The following FGFR2 variants were observed in gnomAD, a reference collection of about 807,000 sequenced individuals.
FGFR2 encodes BEK fibroblast growth factor receptor.
FGFR2 carries 19 observed loss-of-function variants against 95.9 expected under a neutral mutation model. The ratio of observed to expected loss-of-function variants is 0.20; its 90% CI spans 0.14 to 0.29. FGFR2 has a LOEUF of 0.29. Ranked by LOEUF, FGFR2 falls within the 10% of genes least tolerant of loss-of-function variation. FGFR2 has a pLI of 1.00. For synonymous variants in FGFR2, 392 were observed against 393.3 expected (o/e 1.00, Z 0.04); for missense variants, 707 against 1,056.9 (o/e 0.67, Z 4.59).
In FGFR2 at chr10:121,518,594, T is replaced by A. The variant is rs1564915722; in HGVS notation, c.940-1131A>T. 1 of 1,466,936 alleles carries A rather than the reference T, an allele frequency of 6.8e-7. No homozygotes were observed. Among genetic ancestry groups the A allele is most frequent in the Non-Finnish European group, 9.5e-7 (1 of 1,055,424 alleles). 90.9% of individuals were successfully genotyped at this position (1,466,936 alleles called of 1,614,324 possible). ...AGGCCACAAGAGTTATCCTATAAGC[T>A]GCCTGCAGTCTCCCAAAGCACCAAG... On this transcript the variant is annotated intron_variant, in intron 7 of 17. Transcript: ENST00000358487. This position sits in a 1 kb window ranked among gnomAD's most constrained non-coding sequence, Gnocchi z 4.0.
At chr10:121,524,587 C>G (rs773723465) in intron 6 of FGFR2, among the ~76,000 whole-genome samples, 1 of 152,202 alleles carries the variant, frequency 6.6e-6, no homozygotes, top group South Asian at 2.1e-4. Flanking sequence ...CCTCTCGAAC[C>G]CTTCAGCGAT....
intron 2 of FGFR2, among the ~76,000 whole-genome samples, chr10:121,572,272 C>T (rs1377194385): frequency 1.3e-5 from 2 of 151,922 alleles, no homozygotes; most frequent in African/African-American, 4.8e-5. Context: ...GAGCTATGAT[C>T]GCGCCACTGC....
rs138712692 is a variant in FGFR2, at chr10:121,496,648, C to T, written c.1747G>A (p.Gly583Arg). ...TTAATGTCATAGGAGTACTCCATCC[C>T]GGGTGGCCTCCGGGCTCGGAGGTAT... is the stretch of plus-strand genomic sequence containing the variant. ...REYLRARRPP[G>R]MEYSYDINRV... is the part of the protein sequence containing the mutation. Residue 583 changes from glycine to arginine, a missense_variant, in exon 13 of 18, where the codon GGG (glycine) becomes AGG (arginine). By Grantham distance (125) the Gly-to-Arg change is moderately radical (BLOSUM62 -2). This residue lies in a region of FGFR2 where 37 missense variants were observed against 34.1 expected (regional missense o/e 1.09). Transcript: ENST00000358487. The T allele has an allele frequency of 3.1e-6, 5 of 1,611,340 alleles. No individual in the cohort carries two copies. Among genetic ancestry groups the T allele is most frequent in the East Asian group, 2.2e-5 (1 of 44,724 alleles).
At chr10:121,525,809 G>A (rs41295529) in intron 6 of FGFR2, among the ~76,000 whole-genome samples, 2,167 of 152,240 alleles carry the variant, frequency 0.014, 26 homozygotes, top group Middle Eastern at 0.027. Context: ...CCACCGAGCC[G>A]AGAGGCCTCA....
chr10:121,486,801 C>T (rs1427908792), intron 15 of FGFR2, among the ~76,000 whole-genome samples: 1 of 152,146 alleles, frequency 6.6e-6, no homozygotes, highest in Non-Finnish European at 1.5e-5. Context: ...CTGGTTTTGT[C>T]AGTATATCAT....
intron 4 of FGFR2, among the ~76,000 whole-genome samples, chr10:121,552,278 C>G (rs1233802713): frequency 6.6e-6 from 1 of 152,144 alleles, no homozygotes; most frequent in Non-Finnish European, 1.5e-5. Flanking sequence ...AAATAAAAGC[C>G]ACAACATCAA....
At chr10:121,529,848 C>T (rs1028543838) in intron 6 of FGFR2, among the ~76,000 whole-genome samples, 2 of 152,200 alleles carry the variant, frequency 1.3e-5, no homozygotes, top group African/African-American at 2.4e-5. Context: ...ATAAAGGCTG[C>T]GTGAGCGTGC....
chr10:121,482,159 A>C (rs1274468928), intron 17 of FGFR2: 45 of 1,612,704 alleles, frequency 2.8e-5, no homozygotes, highest in Non-Finnish European at 3.3e-5. Context: ...TTTCTCAATG[A>C]AGCCATAAAC....
intron 1 of FGFR2, chr10:121,596,787 C>T (rs1863485802): frequency 5.1e-6 from 1 of 196,338 alleles, no homozygotes. Context: ...CATTTGTTTG[C>T]CTGAAATATC....
Position 121,564,731 on chromosome 10 carries a change from T to C in FGFR2, c.377-152A>G, listed in dbSNP as rs559797967. Reference sequence around the variant, plus strand: ...TTGTTTTCAGTTAAGATAGTTTTAATGGCTTAAATTTTCCCTCCATGATGA... The same window carrying C: ...TTGTTTTCAGTTAAGATAGTTTTAACGGCTTAAATTTTCCCTCCATGATGA... On this transcript the variant is annotated intron_variant, in intron 3 of 17. Transcript: ENST00000358487. 9.4e-5 allele frequency: 66 copies of C among 705,156 alleles called. 2 individuals carry two copies. In the East Asian group the frequency reaches 1.0e-3, roughly 11 times the overall value. The allele number at this position is 705,156 out of a possible 1,614,324, so 43.7% of individuals were successfully genotyped here.
At chr10:121,579,841 G>A (rs75247475) in intron 2 of FGFR2, among the ~76,000 whole-genome samples, 4,022 of 152,176 alleles carry the variant, frequency 0.026, 137 homozygotes, top group African/African-American at 0.078. Flanking sequence ...GAGTTGGGGC[G>A]GCTGGCCTGC....
chr10:121,577,178 T>TATAGAGAGAGAGAGAGAGAGAG lies in FGFR2; in HGVS notation c.110-11475_110-11474insCTCTCTCTCTCTCTCTCTCTAT. ...AAAAAAATATATATATATATATATA[T>TATAGAGAGAGAGAGAGAGAGAG]AGAGAGAGAGAGAGAGAGAGAGAGA... On this transcript the variant is annotated intron_variant, in intron 2 of 17. Coordinates refer to ENST00000358487, the MANE Select transcript of FGFR2 (RefSeq NM_000141.5). 2.1e-3 allele frequency among the ~76,000 whole-genome samples: 11 copies of TATAGAGAGAGAGAGAGAGAGAG among 5,212 alleles called. No individual in the cohort carries two copies. In the East Asian group the frequency reaches 0.032, roughly 15 times the overall value. 3.4% of individuals were successfully genotyped at this position (5,212 alleles called of 152,430 possible).
At chr10:121,578,661 G>A (rs1325118467) in intron 2 of FGFR2, among the ~76,000 whole-genome samples, 1 of 152,276 alleles carries the variant, frequency 6.6e-6, no homozygotes, top group African/African-American at 2.4e-5. Flanking sequence ...TGTAATCCCA[G>A]CACTTTGGGA....
chr10:121,495,590 C>T (rs1294534905), intron 13 of FGFR2, among the ~76,000 whole-genome samples: 1 of 152,168 alleles, frequency 6.6e-6, no homozygotes, highest in Non-Finnish European at 1.5e-5. Context: ...GAGGTGCAGC[C>T]ATCCCTCGAA....
chr10:121,587,770 G>T lies in FGFR2; in HGVS notation c.109+5939C>A, dbSNP rs77378938. 2.0e-5 allele frequency among the ~76,000 whole-genome samples: 3 copies of T among 152,262 alleles called. No homozygotes were observed. The East Asian group carries it at 5.8e-4, about 29-fold the overall frequency. ...GATGCTGGTGAGATTGCAGAGAAAA[G>T]GAAACACTTATATACTGTTAGTAGG... On this transcript the variant is annotated intron_variant, in intron 2 of 17. Transcript: ENST00000358487.
intron 4 of FGFR2, among the ~76,000 whole-genome samples, chr10:121,553,184 T>C (rs1248781643): frequency 6.6e-6 from 1 of 152,162 alleles, no homozygotes; most frequent in Non-Finnish European, 1.5e-5. Context: ...AGTGATGGGA[T>C]TTAGGTGCAC....
At position 121,593,956 on chromosome 10, in the gene FGFR2, C is replaced by T. The variant is rs574834089; in HGVS notation, c.-139G>A. 4 of 766,252 alleles carry T rather than the reference C, an allele frequency of 5.2e-6. No individual in the cohort carries two copies. The highest frequency in any genetic ancestry group is 2.9e-5 in the South Asian group (2 of 68,574). The allele number at this position is 766,252 out of a possible 1,614,324, so 47.5% of individuals were successfully genotyped here. A position where few individuals can be genotyped will look rare whatever the true frequency, so the allele number is the denominator to read the frequency against. Reference sequence around the variant, plus strand: ...CTCAGGAACCGAGGCGCTGCCGCTGCTGCTGCAGTCACTAAAGGAAAGAGA... The same window carrying T: ...CTCAGGAACCGAGGCGCTGCCGCTGTTGCTGCAGTCACTAAAGGAAAGAGA... On this transcript the variant is annotated 5_prime_UTR_variant, in exon 2 of 18. Coordinates refer to ENST00000358487, the MANE Select transcript of FGFR2 (RefSeq NM_000141.5).
chr10:121,488,431 C>T (rs899591488), intron 13 of FGFR2, among the ~76,000 whole-genome samples: 4 of 150,854 alleles, frequency 2.7e-5, no homozygotes, highest in Non-Finnish European at 5.9e-5. Context: ...GTCCCAGCTA[C>T]TCAGGAGGCT....
intron 6 of FGFR2, among the ~76,000 whole-genome samples, chr10:121,525,695 T>C (rs887669973): frequency 5.3e-5 from 8 of 152,004 alleles, no homozygotes; most frequent in African/African-American, 1.7e-4. Context: ...TAATTGACCA[T>C]TGAAATTTTA....
Sources: gnomAD v4.1 joint callset for allele counts (sites outside exome capture counted in the v4.1 genomes callset) on GRCh38, gnomAD v4.1.1 for gene constraint, gnomAD v4.1.1 regional missense constraint, Gnocchi (gnomAD v3.1) non-coding constraint, MANE v1.5 for transcripts, NCBI Gene and HGNC (gene_info 2026-07-23, HGNC 2026-07-21) for gene names.